The following EYS variants were observed in gnomAD, a reference collection of about 807,000 sequenced individuals.
EYS encodes protein eyes shut homolog.
In EYS, 250 loss-of-function variants were observed where a neutral mutation model predicts 282.1. The ratio of observed to expected loss-of-function variants is 0.89; its 90% CI spans 0.80 to 0.98. The LOEUF (loss-of-function observed/expected upper bound fraction) is 0.98, where lower values mean the gene tolerates loss of function less well. EYS is among the 50% of genes least tolerant of loss of function. EYS has a pLI of 0.00. For missense variants in EYS, 4,016 were observed against 3,709.0 expected, an observed-to-expected ratio of 1.08 and a Z score of -2.15; for synonymous variants, 1,355 against 1,282.9, an observed-to-expected ratio of 1.06 and a Z score of -1.20.
At chr6:65,165,141 A>G (rs1402867618) in intron 12 of EYS, among the ~76,000 whole-genome samples, 1 of 151,272 alleles carries the variant, frequency 6.6e-6, no homozygotes, top group African/African-American at 2.4e-5. Context: ...TTTTTTTCTA[A>G]CACAGTTCAT....
intron 5 of EYS, among the ~76,000 whole-genome samples, chr6:65,406,962 C>T (rs1766772104): frequency 2.6e-5 from 4 of 151,816 alleles, no homozygotes; most frequent in Admixed American, 2.6e-4. Flanking sequence ...TTATAGTTTC[C>T]TATAAATTTT....
Position 63,999,188 on chromosome 6 carries a change from AC to A in EYS, c.6726-6del. The A allele has an allele frequency of 6.5e-7, 1 of 1,545,832 alleles. No homozygotes were observed. The highest frequency in any genetic ancestry group is 8.8e-7 in the Non-Finnish European group (1 of 1,141,690). On this transcript the variant is annotated splice_region_variant and splice_polypyrimidine_tract_variant and intron_variant, in intron 33 of 42. Transcript: ENST00000503581. ...CTGCCAACAGGCGTTGTGTAGCTAA[AC>A]GTAAAACAGAAGAGGCCATTATGAT...
intron 33 of EYS, among the ~76,000 whole-genome samples, chr6:64,003,844 A>C (rs1369608510): frequency 6.6e-6 from 1 of 152,162 alleles, no homozygotes; most frequent in Non-Finnish European, 1.5e-5. Flanking sequence ...TAGTTTATAA[A>C]GGGCTTTTCC....
intron 12 of EYS, among the ~76,000 whole-genome samples, chr6:65,208,982 C>G (rs1443541804): frequency 6.6e-6 from 1 of 151,710 alleles, no homozygotes; most frequent in Non-Finnish European, 1.5e-5. Context: ...AAAAATAGGA[C>G]TTAAACATAA....
At chr6:63,934,046 C>A (rs1764978661) in intron 35 of EYS, among the ~76,000 whole-genome samples, 2 of 152,098 alleles carry the variant, frequency 1.3e-5, no homozygotes, top group South Asian at 4.1e-4. Context: ...TGAACTCAAA[C>A]AAATTTACAA....
At chr6:65,446,851 G>C (rs552292607) in intron 5 of EYS, among the ~76,000 whole-genome samples, 2 of 145,512 alleles carry the variant, frequency 1.4e-5, no homozygotes, top group Admixed American at 7.2e-5. Flanking sequence ...TTCTGTTTTT[G>C]AGTACAAAAT....
chr6:65,405,044 G>A (rs369216776), intron 6 of EYS, 130 bp downstream of exon 6: 8 of 651,650 alleles, frequency 1.2e-5, no homozygotes, highest in African/African-American at 3.7e-5. Flanking sequence ...TAAGTAGACC[G>A]TTCTTGTTCG....
At chr6:64,428,667 A>T (rs1299326178) in intron 28 of EYS, among the ~76,000 whole-genome samples, 1 of 152,158 alleles carries the variant, frequency 6.6e-6, no homozygotes, top group Non-Finnish European at 1.5e-5. Flanking sequence ...ATGTCACTAA[A>T]TTGCCATTAT....
At chr6:64,346,856 T>A (rs979545237) in intron 29 of EYS, among the ~76,000 whole-genome samples, 21 of 151,354 alleles carry the variant, frequency 1.4e-4, no homozygotes, top group African/African-American at 4.8e-4. Context: ...TGGAAGGAAA[T>A]TAATGAAAAA....
At chr6:65,093,685 A>G (rs1774638625) in intron 12 of EYS, among the ~76,000 whole-genome samples, 2 of 151,898 alleles carry the variant, frequency 1.3e-5, no homozygotes. Context: ...ATATAATTCC[A>G]CAAGAAGATG....
intron 29 of EYS, among the ~76,000 whole-genome samples, chr6:64,384,892 T>C (rs1315809686): frequency 2.0e-5 from 3 of 152,140 alleles, no homozygotes; most frequent in Admixed American, 6.6e-5. Flanking sequence ...CACATACACA[T>C]TGGATTAGGG....
chr6:65,153,186 T>C (rs1561993457), intron 12 of EYS, among the ~76,000 whole-genome samples: 1 of 151,812 alleles, frequency 6.6e-6, no homozygotes, highest in Non-Finnish European at 1.5e-5. Flanking sequence ...AGCCACCATA[T>C]GGGAAGGCCA....
intron 36 of EYS, among the ~76,000 whole-genome samples, chr6:63,853,099 T>C (rs1772302326): frequency 6.6e-6 from 1 of 152,120 alleles, no homozygotes; most frequent in African/African-American, 2.4e-5. Flanking sequence ...CTCTCACCAC[T>C]CCTATTCAAC....
chr6:64,927,657 T>C (rs1223251699), intron 15 of EYS, among the ~76,000 whole-genome samples: 2 of 152,084 alleles, frequency 1.3e-5, no homozygotes, highest in East Asian at 3.9e-4. Flanking sequence ...AAATTCTATA[T>C]CTCTTCTGCT....
Position 63,983,907 on chromosome 6 carries a change from C to A in EYS, c.7055+476G>T, listed in dbSNP as rs141567199. On this transcript the variant is annotated intron_variant, in intron 35 of 42. Transcript: ENST00000503581. ...AAGAAGAAAAAAGGATATAGGATTG[C>A]AAATAAAAAGAGAAAACAGATATAG... Among the ~76,000 whole-genome samples the A allele has an allele frequency of 8.2e-3, 1,250 of 151,664 alleles. 20 individuals carry two copies. The highest frequency in any genetic ancestry group is 0.027 in the African/African-American group (1,104 of 41,452).
chr6:65,606,950 A>C (rs1272451920), intron 2 of EYS, among the ~76,000 whole-genome samples: 4 of 151,784 alleles, frequency 2.6e-5, no homozygotes, highest in African/African-American at 9.7e-5. Flanking sequence ...ATGGGATATA[A>C]TGTCTTAAGC....
intron 41 of EYS, chr6:63,744,396 G>A (rs866473713): frequency 1.8e-4 from 28 of 152,092 alleles, no homozygotes; most frequent in African/African-American, 6.5e-4. Flanking sequence ...TTCTTTATCA[G>A]TGTCCCTTCC....
chr6:64,892,426 C>G (rs1220755712), intron 18 of EYS, among the ~76,000 whole-genome samples: 1 of 151,800 alleles, frequency 6.6e-6, no homozygotes, highest in African/African-American at 2.4e-5. Flanking sequence ...TTTTTAAAAG[C>G]TTACATTCAA....
intron 33 of EYS, among the ~76,000 whole-genome samples, chr6:64,011,261 T>C (rs1246249989): frequency 6.6e-6 from 1 of 152,180 alleles, no homozygotes; most frequent in Non-Finnish European, 1.5e-5. Flanking sequence ...CATAAAAGTG[T>C]GAAGTTACAG....
Sources: allele counts gnomAD v4.1 joint callset (sites outside exome capture counted in the v4.1 genomes callset), GRCh38; gene constraint gnomAD v4.1.1; transcripts MANE v1.5; gene names NCBI Gene and HGNC (gene_info 2026-07-23, HGNC 2026-07-21).